ADGRL2: variants seen among roughly 807,000 people sequenced by gnomAD.
The protein encoded by ADGRL2 is calcium-independent alpha-latrotoxin receptor 2.
ADGRL2 carries 44 observed loss-of-function variants against 157.4 expected under a neutral mutation model. The ratio of observed to expected loss-of-function variants is 0.28; its 90% confidence interval spans 0.22 to 0.36. The LOEUF is 0.36. Among genes scored for constraint, ADGRL2 ranks in the 10% least tolerant of loss-of-function variants. ADGRL2 has a pLI of 1.00. For synonymous variants in ADGRL2, 585 were observed against 624.7 expected, an observed-to-expected ratio of 0.94 and a Z score of 0.95; for missense variants, 1,510 against 1,768.9, an observed-to-expected ratio of 0.85 and a Z score of 2.63.
intron 3 of ADGRL2, among the ~76,000 whole-genome samples, chr1:81,594,473 T>G (rs547651189): frequency 1.1e-4 from 16 of 152,236 alleles, no homozygotes; most frequent in Non-Finnish European, 2.1e-4. Flanking sequence ...CAGATGGTTT[T>G]TGAAACTACC....
intron 4 of ADGRL2, among the ~76,000 whole-genome samples, chr1:81,941,415 A>T (rs537057915): frequency 6.6e-6 from 1 of 151,728 alleles, no homozygotes; most frequent in East Asian, 1.9e-4. Context: ...ATCTAGGAAT[A>T]GAAAATAATA....
intron 3 of ADGRL2, among the ~76,000 whole-genome samples, chr1:81,631,534 C>T (rs1196287474): frequency 6.6e-6 from 1 of 152,104 alleles, no homozygotes; most frequent in Admixed American, 6.6e-5. Context: ...ACAGCAAAGT[C>T]TAGTACCTTG....
chr1:81,575,213 A>G lies in ADGRL2; in HGVS notation c.-247-5663A>G, dbSNP rs2080773600. On this transcript the variant is annotated intron_variant, in intron 2 of 24. Transcript: ENST00000370721. ...TGTCTTCCCCCATGCCGGTTTAAAA[A>G]CTGCAGGAGCTATAGTAATTCTGCT... Among the ~76,000 whole-genome samples, 5 of 152,294 alleles carry G rather than the reference A, an allele frequency of 3.3e-5. No individual in the cohort carries two copies. In the South Asian group the frequency reaches 8.3e-4, roughly 25 times the overall value.
rs145585816 is a variant in ADGRL2 at position 81,590,963 on chromosome 1, A to G, written c.-143+9983A>G. The stretch of plus-strand genomic sequence containing the variant: ...AGACCCTCAGGATCCACTCCCAGGC[A>G]TACTCTTTGAGCATACATGCAGTCA... On this transcript the variant is annotated intron_variant, in intron 3 of 24. Coordinates refer to the ADGRL2 transcript ENST00000370721. Among the ~76,000 whole-genome samples the G allele has an allele frequency of 3.8e-4, 58 of 152,288 alleles. 1 individual carries two copies. Among genetic ancestry groups the G allele is most frequent in the Middle Eastern group, 3.4e-3 (1 of 294 alleles).
intron 1 of ADGRL2, among the ~76,000 whole-genome samples, chr1:81,358,652 G>T (rs1380700562): frequency 2.0e-5 from 3 of 152,004 alleles, no homozygotes; most frequent in Admixed American, 2.0e-4. Context: ...GGACAGCTTT[G>T]TTTTTTCATC....
chr1:81,872,233 A>G (rs937282612), intron 2 of ADGRL2, among the ~76,000 whole-genome samples: 17 of 152,192 alleles, frequency 1.1e-4, no homozygotes, highest in African/African-American at 3.6e-4. Context: ...GTCAAAGATC[A>G]GATGGTTGTA....
At chr1:81,534,591 T>G (rs377226603) in intron 2 of ADGRL2, among the ~76,000 whole-genome samples, 1 of 152,202 alleles carries the variant, frequency 6.6e-6, no homozygotes, top group East Asian at 1.9e-4. Context: ...CAAAGAAAAC[T>G]GTTCCCATTT....
At chr1:81,645,155 C>T (rs1271429520) in intron 3 of ADGRL2, among the ~76,000 whole-genome samples, 1 of 151,894 alleles carries the variant, frequency 6.6e-6, no homozygotes, top group Non-Finnish European at 1.5e-5. Context: ...TTTGAGAGGC[C>T]AAGGCAGGAC....
At chr1:81,507,088 AT>A (rs1022192569) in intron 2 of ADGRL2, among the ~76,000 whole-genome samples, 194 of 148,966 alleles carry the variant, frequency 1.3e-3, no homozygotes, top group Middle Eastern at 3.5e-3. Flanking sequence ...CAATGGAGGA[AT>A]TTTTTTTTTT....
chr1:81,396,246 T>C (rs551454994), intron 1 of ADGRL2, among the ~76,000 whole-genome samples: 5 of 152,212 alleles, frequency 3.3e-5, no homozygotes, highest in Admixed American at 2.6e-4. Context: ...TCCCAGGTAA[T>C]GATTTTGTAG....
intron 1 of ADGRL2, among the ~76,000 whole-genome samples, chr1:81,309,588 T>C (rs1222893573): frequency 6.6e-6 from 1 of 152,210 alleles, no homozygotes; most frequent in Non-Finnish European, 1.5e-5. Flanking sequence ...TTCAAATATC[T>C]GATTCTGATT....
chr1:81,438,293 T>C (rs1022021977), intron 1 of ADGRL2, among the ~76,000 whole-genome samples: 1 of 152,222 alleles, frequency 6.6e-6, no homozygotes, highest in African/African-American at 2.4e-5. Flanking sequence ...AAGCTGTTTG[T>C]TCCCCCAGAG....
At chr1:81,390,697 A>G (rs1317778914) in intron 1 of ADGRL2, among the ~76,000 whole-genome samples, 2 of 152,310 alleles carry the variant, frequency 1.3e-5, no homozygotes, top group African/African-American at 2.4e-5. Flanking sequence ...TGGCAATTTG[A>G]TCTTCTCTCT....
At chr1:81,967,441 T>G (rs995676697) in intron 13 of ADGRL2, among the ~76,000 whole-genome samples, 3 of 152,112 alleles carry the variant, frequency 2.0e-5, no homozygotes, top group Non-Finnish European at 2.9e-5. Flanking sequence ...TTTTGTATTT[T>G]TAGTAGAGAC....
chr1:81,767,545 G>A (rs2086178868), intron 2 of ADGRL2, among the ~76,000 whole-genome samples: 1 of 152,118 alleles, frequency 6.6e-6, no homozygotes, highest in Admixed American at 6.5e-5. Context: ...AATAGGATGA[G>A]GTTAAAAGAT....
intron 1 of ADGRL2, among the ~76,000 whole-genome samples, chr1:81,703,628 C>A (rs751355581): frequency 1.3e-4 from 19 of 151,978 alleles, no homozygotes; most frequent in Non-Finnish European, 4.4e-5. Context: ...CAACTTTATT[C>A]TCGTACCGAA....
intron 1 of ADGRL2, among the ~76,000 whole-genome samples, chr1:81,397,344 G>A (rs1177388621): frequency 1.8e-5 from 2 of 108,774 alleles, no homozygotes; most frequent in Non-Finnish European, 3.4e-5. Flanking sequence ...TTTTTGAGAT[G>A]GAGTCTTGCT....
intron 1 of ADGRL2, among the ~76,000 whole-genome samples, chr1:81,411,835 G>C (rs997537981): frequency 1.3e-5 from 2 of 150,020 alleles, no homozygotes; most frequent in African/African-American, 4.9e-5. Context: ...AGCTGAGATC[G>C]CGCCACTGCA....
At chr1:81,940,149 T>C (rs1647345276) in intron 4 of ADGRL2, among the ~76,000 whole-genome samples, 1 of 151,550 alleles carries the variant, frequency 6.6e-6, no homozygotes, top group Non-Finnish European at 1.5e-5. Flanking sequence ...CTACATCTTC[T>C]ATTGAACTTG....
Sources: gnomAD v4.1 joint callset for allele counts (sites outside exome capture counted in the v4.1 genomes callset) on GRCh38, gnomAD v4.1.1 for gene constraint, MANE v1.5 for transcripts, NCBI Gene and HGNC (gene_info 2026-07-23, HGNC 2026-07-21) for gene names.